Variants in NUGGC observed in about 807,000 individuals in gnomAD.
NUGGC encodes the protein nuclear GTPase, germinal center associated.
NUGGC carries 58 observed loss-of-function variants against 92.6 expected under a neutral mutation model. That is an observed-to-expected ratio of 0.63 (90% confidence interval 0.51 to 0.78). The LOEUF (loss-of-function observed/expected upper bound fraction) is 0.78. Among genes scored for constraint, NUGGC ranks in the 30% least tolerant of loss-of-function variants. The pLI is 0.00. For synonymous variants in NUGGC, 376 were observed against 366.4 expected, an observed-to-expected ratio of 1.03 and a Z score of -0.30; for missense variants, 925 against 964.6, an observed-to-expected ratio of 0.96 and a Z score of 0.54.
intron 18 of NUGGC, among the ~76,000 whole-genome samples, chr8:28,024,808 C>G (rs553037553): frequency 6.6e-6 from 1 of 152,288 alleles, no homozygotes; most frequent in African/African-American, 2.4e-5. Flanking sequence ...TGAGGCTTCC[C>G]CCAGGACCCA....
At chr8:28,035,170 T>A (rs1339823520) in intron 13 of NUGGC, among the ~76,000 whole-genome samples, 1 of 152,222 alleles carries the variant, frequency 6.6e-6, no homozygotes, top group Non-Finnish European at 1.5e-5. Flanking sequence ...GCCTCATGCC[T>A]TCGTCCTCTC....
intron 18 of NUGGC, among the ~76,000 whole-genome samples, chr8:28,024,502 CT>C (rs1563211470): frequency 6.6e-6 from 1 of 152,182 alleles, no homozygotes; most frequent in Non-Finnish European, 1.5e-5. Flanking sequence ...TGTGGGCCAA[CT>C]TCTTAAAATA....
At chr8:28,064,977 G>A (rs536226400) in intron 6 of NUGGC, among the ~76,000 whole-genome samples, 22 of 152,212 alleles carry the variant, frequency 1.4e-4, no homozygotes, top group African/African-American at 4.6e-4. Flanking sequence ...TGGGACTTTA[G>A]GGAAGTTATA....
chr8:28,045,067 C>T (rs990845096), intron 12 of NUGGC, among the ~76,000 whole-genome samples: 1 of 152,228 alleles, frequency 6.6e-6, no homozygotes, highest in Admixed American at 6.5e-5. Context: ...AAATTCCCTC[C>T]AAGCTTCCAT....
chr8:28,030,382 G>A lies in NUGGC; in HGVS notation c.1945C>T (p.Leu649Phe). 1.9e-6 allele frequency: 3 copies of A among 1,579,920 alleles called. No homozygotes were observed. The East Asian group carries it at 6.9e-5, about 36-fold the overall frequency. ...AILGGLEDHI[L>F]RRKRRIYESL... ...TCGTAGATCCTCCTCTTCCTTCTGA[G>A]GATGTGGTCCTCCAGGCCCCCGAGG... The change falls in exon 16 of 19, where the codon CTC (leucine) becomes TTC (phenylalanine). Residue 649 changes from leucine to phenylalanine, a missense_variant. By Grantham distance (22) the Leu-to-Phe change is conservative. Transcript: ENST00000413272.
Position 28,041,490 on chromosome 8 carries a change from A to G in NUGGC, c.1447-275T>C, listed in dbSNP as rs549135525. 4.6e-5 allele frequency among the ~76,000 whole-genome samples: 7 copies of G among 152,376 alleles called. No homozygotes were observed. The South Asian group carries it at 1.4e-3, about 32-fold the overall frequency. On this transcript the variant is annotated intron_variant, in intron 12 of 18. Transcript: ENST00000413272. ...ATTCAGCAACTTATTTCAGCTGTGT[A>G]ATCCATCAGGTTATTTGGGGAAGTA...
intron 4 of NUGGC, 111 bp downstream of exon 4, chr8:28,069,433 T>C: frequency 1.6e-6 from 1 of 625,666 alleles, no homozygotes; most frequent in South Asian, 2.1e-5. Flanking sequence ...TGTGTCCCTC[T>C]TTTCTTAGTT....
At position 28,023,108 on chromosome 8, in the gene NUGGC, T is replaced by G; in HGVS notation, c.*209A>C. 2.0e-6 allele frequency: 1 copy of G among 488,690 alleles called. No homozygotes were observed. Among genetic ancestry groups the G allele is most frequent in the East Asian group, 3.3e-5 (1 of 29,936 alleles). 30.3% of individuals were successfully genotyped at this position (488,690 alleles called of 1,614,324 possible). ...AAAAAATTACCCAGGTGTGGTGGCC[T>G]GTACCTGTAGCCCCAGCTGCTCTGG... On this transcript the variant is annotated 3_prime_UTR_variant, in exon 19 of 19. Transcript: ENST00000413272.
chr8:28,077,385 T>C (rs1021232614), intron 1 of NUGGC, among the ~76,000 whole-genome samples: 3 of 137,878 alleles, frequency 2.2e-5, no homozygotes, highest in African/African-American at 7.9e-5. Context: ...AGTGAGACCT[T>C]GACACTACCA....
At chr8:28,056,803 A>C (rs1313618412) in intron 9 of NUGGC, among the ~76,000 whole-genome samples, 2 of 152,264 alleles carry the variant, frequency 1.3e-5, no homozygotes, top group Non-Finnish European at 1.5e-5. Flanking sequence ...GGCAGTCAAG[A>C]GGAATGTAAA....
chr8:28,071,712 CT>C (rs913882362), intron 2 of NUGGC, among the ~76,000 whole-genome samples: 2 of 152,112 alleles, frequency 1.3e-5, no homozygotes, highest in African/African-American at 2.4e-5. Context: ...AAAACACCCC[CT>C]GGTCATGTTT....
At chr8:28,082,765 G>T (rs1386988982) in intron 1 of NUGGC, among the ~76,000 whole-genome samples, 7 of 152,006 alleles carry the variant, frequency 4.6e-5, no homozygotes, top group Non-Finnish European at 1.0e-4. Flanking sequence ...AATTAGCTGG[G>T]CATGGCAGCA....
chr8:28,026,826 G>A, intron 18 of NUGGC, 136 bp downstream of exon 18: 1 of 654,606 alleles, frequency 1.5e-6, no homozygotes, highest in Non-Finnish European at 2.8e-6. Flanking sequence ...TCCATTCCTT[G>A]CCCTGCTAAT....
chr8:28,041,992 T>C (rs574854572), intron 12 of NUGGC, among the ~76,000 whole-genome samples: 3 of 152,288 alleles, frequency 2.0e-5, no homozygotes, highest in Middle Eastern at 3.4e-3. Context: ...AATTGAATCA[T>C]GGGATTGGCT....
At chr8:28,065,150 A>AT (rs1563228601) in intron 6 of NUGGC, among the ~76,000 whole-genome samples, 4 of 132,184 alleles carry the variant, frequency 3.0e-5, no homozygotes, top group African/African-American at 1.1e-4. Flanking sequence ...CTGAAATTGG[A>AT]TCTTTTTTTT....
chr8:28,060,217 G>C lies in NUGGC; in HGVS notation c.1097+209C>G, dbSNP rs187933429. 2.0e-4 allele frequency: 137 copies of C among 676,432 alleles called. No individual in the cohort carries two copies. The African/African-American group carries it at 2.1e-3, about 11-fold the overall frequency. The allele number at this position is 676,432 out of a possible 1,614,324, so 41.9% of individuals were successfully genotyped here. On this transcript the variant is annotated intron_variant, in intron 8 of 18. Coordinates refer to ENST00000413272, the MANE Select transcript of NUGGC (RefSeq NM_001010906.2). ...GGGGACACCAGCTTGGCACTAAGCA[G>C]CTACCCTGGAAGGTTCAGATTCCTA...
rs777562774 is a variant in NUGGC at position 28,060,438 on chromosome 8, G to T, written c.1085C>A (p.Pro362Gln). Residue 362 changes from proline to glutamine, a missense_variant, in exon 8 of 19, where the codon CCA (proline) becomes CAA (glutamine). Physicochemically the swap from Pro to Gln is moderately conservative, Grantham distance 76. Coordinates refer to ENST00000413272, the MANE Select transcript of NUGGC (RefSeq NM_001010906.2). The part of the protein sequence containing the change: ...VVTKMDKLHL[P>Q]EYLRERKAGN... ...CCCAGCACAATACCTTAGGTATTCT[G>T]GCAAGTGGAGTTTGTCCATCTTGGT... 4 of 1,613,520 alleles carry T rather than the reference G, an allele frequency of 2.5e-6. No homozygotes were observed. The East Asian group carries it at 6.7e-5, about 27-fold the overall frequency.
rs762173745 is a variant in NUGGC at position 28,045,510 on chromosome 8, C to T, written c.1446+17G>A. 4 of 1,608,112 alleles carry T rather than the reference C, an allele frequency of 2.5e-6. No individual in the cohort carries two copies. In the Admixed American group the frequency reaches 6.7e-5, roughly 27 times the overall value. ...CCCAGGAAGGGGGAGAATATGAAAA[C>T]CCAGTGTCTTCCATACCGGCAGGTT... On this transcript the variant is annotated intron_variant, in intron 12 of 18. Coordinates refer to ENST00000413272, the MANE Select transcript of NUGGC (RefSeq NM_001010906.2).
At chr8:28,050,705 G>A (rs752671464) in intron 10 of NUGGC, among the ~76,000 whole-genome samples, 2 of 152,024 alleles carry the variant, frequency 1.3e-5, no homozygotes, top group Non-Finnish European at 2.9e-5. Context: ...CAGCTACCTG[G>A]GAGACTGAGG....
Sources: allele counts gnomAD v4.1 joint callset (sites outside exome capture counted in the v4.1 genomes callset), GRCh38; gene constraint gnomAD v4.1.1; transcripts MANE v1.5; gene names NCBI Gene and HGNC (gene_info 2026-07-23, HGNC 2026-07-21).